The following CDH13 variants were observed in gnomAD, a reference collection of about 807,000 sequenced individuals.
CDH13 encodes cadherin-13.
In CDH13, 24 loss-of-function variants were observed where a neutral mutation model predicts 63.8. The ratio of observed to expected loss-of-function variants is 0.38; its 90% CI spans 0.27 to 0.53. The LOEUF (loss-of-function observed/expected upper bound fraction) is 0.53, where lower values mean the gene tolerates loss of function less well. Ranked by LOEUF, CDH13 falls within the 20% of genes least tolerant of loss-of-function variation. The pLI is 0.85. For synonymous variants in CDH13, 503 were observed against 355.3 expected, an observed-to-expected ratio of 1.42 and a Z score of -4.67; for missense variants, 1,049 against 903.1, an observed-to-expected ratio of 1.16 and a Z score of -2.07.
intron 1 of CDH13, among the ~76,000 whole-genome samples, chr16:82,746,200 T>C (rs767929964): frequency 1.1e-5 from 1 of 92,640 alleles, no homozygotes; most frequent in Non-Finnish European, 2.7e-5. Flanking sequence ...TGTGTGTTTA[T>C]ATATAAACAC....
At chr16:83,470,200 T>A (rs1317758403) in intron 6 of CDH13, among the ~76,000 whole-genome samples, 1 of 152,146 alleles carries the variant, frequency 6.6e-6, no homozygotes, top group African/African-American at 2.4e-5. Context: ...CTGCTGCTGG[T>A]GTTTTTCTGT....
At chr16:82,778,565 G>A (rs571928573) in intron 1 of CDH13, among the ~76,000 whole-genome samples, 904 of 69,798 alleles carry the variant, frequency 0.013, 8 homozygotes, top group South Asian at 0.017. Flanking sequence ...TTGGAATCAC[G>A]ACCAGAAAAA....
chr16:83,084,650 A>T (rs911862612), intron 3 of CDH13, among the ~76,000 whole-genome samples: 10 of 152,136 alleles, frequency 6.6e-5, no homozygotes, highest in Non-Finnish European at 1.3e-4. Flanking sequence ...ACACATCCGG[A>T]GGCTGAGGTG....
chr16:83,252,627 T>G (rs1905717240), intron 5 of CDH13, among the ~76,000 whole-genome samples: 1 of 152,150 alleles, frequency 6.6e-6, no homozygotes, highest in Non-Finnish European at 1.5e-5. Context: ...TCAGCCACAG[T>G]GGGAAGCTCA....
At chr16:83,352,312 CT>C (rs2090969166) in intron 6 of CDH13, among the ~76,000 whole-genome samples, 1 of 152,184 alleles carries the variant, frequency 6.6e-6, no homozygotes, top group Non-Finnish European at 1.5e-5. Flanking sequence ...ACTTCACTAG[CT>C]ATTGACTCCA....
chr16:82,836,802 T>C (rs953589938), intron 1 of CDH13, among the ~76,000 whole-genome samples: 6 of 118,422 alleles, frequency 5.1e-5, no homozygotes, highest in African/African-American at 2.3e-4. Context: ...TTTCTACCCA[T>C]AGTCATTCTA....
intron 2 of CDH13, among the ~76,000 whole-genome samples, chr16:82,891,037 GTT>G (rs869162441): frequency 6.0e-5 from 5 of 82,770 alleles, no homozygotes; most frequent in Admixed American, 3.0e-4. Context: ...ATAGAGGAGG[GTT>G]TTTTTTTTTT....
intron 10 of CDH13, among the ~76,000 whole-genome samples, chr16:83,744,092 T>C (rs1261731707): frequency 6.6e-6 from 1 of 152,134 alleles, no homozygotes; most frequent in Admixed American, 6.5e-5. Flanking sequence ...AAAATAAATG[T>C]AGTGATGCTC....
intron 6 of CDH13, among the ~76,000 whole-genome samples, chr16:83,444,082 G>C (rs1240345140): frequency 1.4e-5 from 2 of 146,436 alleles, no homozygotes; most frequent in Non-Finnish European, 3.1e-5. Flanking sequence ...TCATGGCAAA[G>C]ATGACAATAG....
At chr16:82,740,301 T>A (rs900573090) in intron 1 of CDH13, among the ~76,000 whole-genome samples, 1 of 152,220 alleles carries the variant, frequency 6.6e-6, no homozygotes, top group African/African-American at 2.4e-5. Flanking sequence ...CAACTTCCAG[T>A]TGATGAGATG....
chr16:82,802,121 T>C (rs2036890572), intron 1 of CDH13, among the ~76,000 whole-genome samples: 1 of 151,296 alleles, frequency 6.6e-6, no homozygotes, highest in African/African-American at 2.4e-5. Flanking sequence ...TCCCTCTCAT[T>C]GGTTGGAGCC....
chr16:82,765,586 G>A (rs760242930), intron 1 of CDH13, among the ~76,000 whole-genome samples: 3 of 152,144 alleles, frequency 2.0e-5, no homozygotes, highest in Non-Finnish European at 4.4e-5. Context: ...TATTTATGAT[G>A]AGAAAATCAT....
chr16:83,333,739 C>T (rs1294171398), intron 5 of CDH13, among the ~76,000 whole-genome samples: 1 of 152,144 alleles, frequency 6.6e-6, no homozygotes, highest in Admixed American at 6.5e-5. Flanking sequence ...GCTGAAGTTT[C>T]TTAGTAAGAG....
intron 2 of CDH13, among the ~76,000 whole-genome samples, chr16:82,882,959 C>G (rs1216325714): frequency 6.6e-6 from 1 of 152,074 alleles, no homozygotes; most frequent in Non-Finnish European, 1.5e-5. Context: ...TCAATAAATC[C>G]TAGAATTTGC....
intron 2 of CDH13, among the ~76,000 whole-genome samples, chr16:82,906,985 G>C (rs909994643): frequency 1.3e-5 from 2 of 152,166 alleles, no homozygotes; most frequent in African/African-American, 2.4e-5. Flanking sequence ...TTCCAAATAA[G>C]GTTGCATTCT....
At chr16:83,343,546 T>C (rs1286398946) in intron 5 of CDH13, among the ~76,000 whole-genome samples, 1 of 152,200 alleles carries the variant, frequency 6.6e-6, no homozygotes, top group Non-Finnish European at 1.5e-5. Context: ...TGCCATGCTT[T>C]TGAAAAGGAT....
intron 3 of CDH13, among the ~76,000 whole-genome samples, chr16:83,033,486 C>T (rs1214268488): frequency 6.6e-6 from 1 of 152,044 alleles, no homozygotes; most frequent in Non-Finnish European, 1.5e-5. Context: ...TATGTACAGG[C>T]ATACACATAC....
At chr16:83,042,518 A>G (rs922798842) in intron 3 of CDH13, among the ~76,000 whole-genome samples, 6 of 152,208 alleles carry the variant, frequency 3.9e-5, no homozygotes, top group African/African-American at 1.4e-4. Flanking sequence ...TGCGTTGTAT[A>G]CTTATCTCAT....
At chr16:82,770,912 T>A (rs1328904447) in intron 1 of CDH13, among the ~76,000 whole-genome samples, 1 of 152,166 alleles carries the variant, frequency 6.6e-6, no homozygotes, top group African/African-American at 2.4e-5. Context: ...TTCACCACAT[T>A]GCCCAGGCTG....
Sources: gnomAD v4.1 joint callset for allele counts (sites outside exome capture counted in the v4.1 genomes callset) on GRCh38, gnomAD v4.1.1 for gene constraint, MANE v1.5 for transcripts, NCBI Gene and HGNC (gene_info 2026-07-23, HGNC 2026-07-21) for gene names.